The following PTPRG variants were observed in gnomAD, a reference collection of about 807,000 sequenced individuals.
PTPRG encodes receptor-type tyrosine-protein phosphatase gamma.
Under a neutral mutation model 165.3 loss-of-function variants are expected in PTPRG, and 102 were observed. The observed-to-expected ratio is 0.62, with a 90% CI of 0.53 to 0.73. PTPRG has a LOEUF of 0.73. PTPRG is among the 30% of genes least tolerant of loss of function. The pLI is 0.00. For missense variants in PTPRG, 1,866 were observed against 1,861.4 expected, an observed-to-expected ratio of 1.00 and a Z score of -0.05; for synonymous variants, 675 against 669.5, an observed-to-expected ratio of 1.01 and a Z score of -0.13.
chr3:61,881,461 C>T (rs2037887445), intron 2 of PTPRG, among the ~76,000 whole-genome samples: 2 of 152,132 alleles, frequency 1.3e-5, no homozygotes, highest in African/African-American at 2.4e-5. Context: ...CAGCAGCAAT[C>T]GATGAACCTT....
intron 2 of PTPRG, among the ~76,000 whole-genome samples, chr3:61,919,621 C>T (rs768114103): frequency 1.4e-4 from 22 of 152,090 alleles, no homozygotes; most frequent in East Asian, 3.9e-4. Context: ...TGGTCCTGAG[C>T]GGTCCCATTC....
intron 7 of PTPRG, among the ~76,000 whole-genome samples, chr3:62,163,157 A>G (rs1704834686): frequency 6.6e-6 from 1 of 152,098 alleles, no homozygotes; most frequent in East Asian, 1.9e-4. Context: ...CCATGATCCA[A>G]TCACCTCCCA....
intron 4 of PTPRG, among the ~76,000 whole-genome samples, chr3:62,009,483 C>T (rs912921744): frequency 2.0e-5 from 3 of 152,206 alleles, no homozygotes; most frequent in Non-Finnish European, 4.4e-5. Context: ...TTACCTTGAC[C>T]TCCTACTGCA....
intron 1 of PTPRG, among the ~76,000 whole-genome samples, chr3:61,733,584 C>T (rs1438129545): frequency 1.3e-5 from 2 of 152,192 alleles, no homozygotes; most frequent in African/African-American, 4.8e-5. Flanking sequence ...CACCATTACT[C>T]ATTTTCTTTG....
intron 8 of PTPRG, among the ~76,000 whole-genome samples, chr3:62,175,554 T>C (rs1705388132): frequency 6.6e-6 from 1 of 152,252 alleles, no homozygotes; most frequent in African/African-American, 2.4e-5. Context: ...CAAAACAACC[T>C]CTGCCAGGAT....
chr3:62,027,386 C>T lies in PTPRG; in HGVS notation c.519+23889C>T, dbSNP rs531265965. 5.3e-5 allele frequency among the ~76,000 whole-genome samples: 8 copies of T among 152,174 alleles called. No individual in the cohort carries two copies. The South Asian group carries it at 1.2e-3, about 24-fold the overall frequency. On this transcript the variant is annotated intron_variant, in intron 4 of 29. Transcript: ENST00000474889. ...GATCCTGGTCATAGAAGGTGACTGG[C>T]GGCCTCATTTCTATTGCATTCCTCC...
At chr3:61,917,036 C>T (rs928332969) in intron 2 of PTPRG, among the ~76,000 whole-genome samples, 2 of 152,108 alleles carry the variant, frequency 1.3e-5, no homozygotes, top group Non-Finnish European at 2.9e-5. Flanking sequence ...TTCATCCTAG[C>T]GATGTGGGGA....
intron 2 of PTPRG, among the ~76,000 whole-genome samples, chr3:61,927,623 G>A (rs1575793350): frequency 6.6e-6 from 1 of 152,164 alleles, no homozygotes; most frequent in South Asian, 2.1e-4. Context: ...GCTGCTAACC[G>A]TGTGAGTCTG....
chr3:61,921,495 C>T (rs1317842407), intron 2 of PTPRG, among the ~76,000 whole-genome samples: 1 of 152,096 alleles, frequency 6.6e-6, no homozygotes, highest in African/African-American at 2.4e-5. Flanking sequence ...TGGCTGCCAG[C>T]ATGGTATCAA....
intron 2 of PTPRG, among the ~76,000 whole-genome samples, chr3:61,928,148 C>G (rs931086242): frequency 6.6e-6 from 1 of 152,220 alleles, no homozygotes; most frequent in Non-Finnish European, 1.5e-5. Flanking sequence ...GTCATGTTGT[C>G]TGTCAGAGGG....
At chr3:62,200,219 C>G (rs1700065341) in intron 10 of PTPRG, among the ~76,000 whole-genome samples, 2 of 152,234 alleles carry the variant, frequency 1.3e-5, no homozygotes, top group South Asian at 4.2e-4. Context: ...GAACCATACA[C>G]TTAAACATGG....
rs4688124 is a variant in PTPRG at position 62,220,679 on chromosome 3, T to C, written c.2288+1696T>C. On this transcript the variant is annotated intron_variant, in intron 13 of 29. Transcript: ENST00000474889. The stretch of plus-strand genomic sequence containing the variant: ...GAACACTAGACTCACCTTCATGTCA[T>C]CCCTTCTCCAGGAAAAAGTATTGTG... 5.9e-3 allele frequency among the ~76,000 whole-genome samples: 894 copies of C among 152,246 alleles called. 39 individuals carry two copies. Among genetic ancestry groups the C allele is most frequent in the Admixed American group, 0.053 (809 of 15,274 alleles).
intron 1 of PTPRG, among the ~76,000 whole-genome samples, chr3:61,745,550 CT>C (rs997730367): frequency 5.9e-5 from 9 of 152,326 alleles, no homozygotes; most frequent in Admixed American, 4.6e-4. Flanking sequence ...TACCTCAATA[CT>C]TTGCGTAGTG....
At chr3:62,102,509 G>A (rs1483943154) in intron 5 of PTPRG, among the ~76,000 whole-genome samples, 1 of 152,158 alleles carries the variant, frequency 6.6e-6, no homozygotes. Flanking sequence ...CTGACCTCAT[G>A]ATCTGCCCAC....
intron 1 of PTPRG, among the ~76,000 whole-genome samples, chr3:61,598,849 C>T (rs1700767875): frequency 6.6e-6 from 1 of 152,110 alleles, no homozygotes; most frequent in African/African-American, 2.4e-5. Flanking sequence ...CCCGCGGAAG[C>T]ACCATACCGA....
rs760437952 is a variant in PTPRG, at chr3:62,273,100, C to G, written c.3318+19C>G. 6.3e-7 allele frequency: 1 copy of G among 1,591,172 alleles called. No individual in the cohort carries two copies. The highest frequency in any genetic ancestry group is 1.2e-5 in the South Asian group (1 of 86,668). On this transcript the variant is annotated intron_variant, in intron 22 of 29. Transcript: ENST00000474889. The surrounding 1 kb of genome is among the most constrained non-coding windows in gnomAD (Gnocchi z 4.1). ...GACTGAGGTAAGGAGTAGCTGCCAG[C>G]GTCCTCACGACATTCTGGCAAATGC... is the stretch of plus-strand genomic sequence containing the variant.
At chr3:61,849,741 A>G (rs1036326813) in intron 2 of PTPRG, among the ~76,000 whole-genome samples, 1 of 152,198 alleles carries the variant, frequency 6.6e-6, no homozygotes, top group African/African-American at 2.4e-5. Context: ...ACAGCTACAC[A>G]TAGAACAAAT....
At chr3:61,591,863 C>G (rs1289160128) in intron 1 of PTPRG, among the ~76,000 whole-genome samples, 1 of 152,130 alleles carries the variant, frequency 6.6e-6, no homozygotes, top group Admixed American at 6.5e-5. Context: ...GTTACTCAAC[C>G]TATTCTGAAC....
At chr3:61,973,606 C>T (rs1024795467) in intron 2 of PTPRG, among the ~76,000 whole-genome samples, 2 of 151,910 alleles carry the variant, frequency 1.3e-5, no homozygotes, top group Admixed American at 6.6e-5. Flanking sequence ...CTGAGGCAGG[C>T]GAATCACTTG....
Sources: allele counts gnomAD v4.1 joint callset (sites outside exome capture counted in the v4.1 genomes callset), GRCh38; gene constraint gnomAD v4.1.1; non-coding constraint Gnocchi (gnomAD v3.1); transcripts MANE v1.5; gene names NCBI Gene and HGNC (gene_info 2026-07-23, HGNC 2026-07-21).